RERE: variants seen among roughly 807,000 people sequenced by gnomAD.
The protein encoded by RERE is arginine-glutamic acid dipeptide repeats.
In RERE, 40 loss-of-function variants were observed where a neutral mutation model predicts 146.1. The observed-to-expected ratio is 0.27, with a 90% confidence interval of 0.21 to 0.36. The LOEUF is 0.36. RERE is among the 10% of genes least tolerant of loss of function. RERE has a pLI of 1.00. For synonymous variants in RERE, 1,003 were observed against 866.0 expected, an observed-to-expected ratio of 1.16 and a Z score of -2.78; for missense variants, 1,933 against 2,138.7, an observed-to-expected ratio of 0.90 and a Z score of 1.90.
chr1:8,724,124 T>C (rs1480285128), intron 1 of RERE, among the ~76,000 whole-genome samples: 1 of 152,238 alleles, frequency 6.6e-6, no homozygotes, highest in Non-Finnish European at 1.5e-5. Context: ...CTATTTAAAA[T>C]GATGTCATTT....
chr1:8,520,760 A>ACAAAAC (rs1557670079), intron 7 of RERE, among the ~76,000 whole-genome samples: 2 of 149,302 alleles, frequency 1.3e-5, no homozygotes, highest in Non-Finnish European at 3.0e-5. Context: ...TTTTTAAAAA[A>ACAAAAC]AAAAAAAAAA....
intron 8 of RERE, among the ~76,000 whole-genome samples, chr1:8,498,732 T>TATACACACAC (rs150497092): frequency 0.2 from 21,635 of 107,740 alleles, 2,820 homozygotes; most frequent in Non-Finnish European, 0.24. Flanking sequence ...AATAAATATA[T>TATACACACAC]ACACACACAC....
intron 10 of RERE, among the ~76,000 whole-genome samples, chr1:8,482,202 A>G (rs946932231): frequency 8.3e-6 from 1 of 121,010 alleles, no homozygotes; most frequent in Non-Finnish European, 1.7e-5. Flanking sequence ...ATAAAAATAA[A>G]GAACCTAATT....
intron 1 of RERE, among the ~76,000 whole-genome samples, chr1:8,808,235 A>G (rs1641727344): frequency 6.6e-6 from 1 of 151,844 alleles, no homozygotes; most frequent in South Asian, 2.1e-4. Context: ...TTCAAACTGT[A>G]CTATTACTCT....
chr1:8,501,695 C>G (rs1425015693), intron 8 of RERE, among the ~76,000 whole-genome samples: 20 of 130,680 alleles, frequency 1.5e-4, no homozygotes, highest in Non-Finnish European at 3.0e-4. Context: ...GCCAGCCGCC[C>G]AGTCCGGGAG....
intron 7 of RERE, among the ~76,000 whole-genome samples, chr1:8,514,702 T>C (rs1486278194): frequency 6.7e-6 from 1 of 149,640 alleles, no homozygotes; most frequent in Admixed American, 6.7e-5. Flanking sequence ...CACTCCAGCC[T>C]GGGCAAAAAA....
intron 7 of RERE, among the ~76,000 whole-genome samples, chr1:8,515,252 CT>C (rs1398568967): frequency 1.3e-5 from 2 of 152,032 alleles, no homozygotes; most frequent in Admixed American, 1.3e-4. Flanking sequence ...ATCCCACCTA[CT>C]CAGGAGGCTG....
At chr1:8,677,643 A>G (rs2124388155) in intron 1 of RERE, among the ~76,000 whole-genome samples, 1 of 152,150 alleles carries the variant, frequency 6.6e-6, no homozygotes, top group East Asian at 1.9e-4. Flanking sequence ...GTAGGGCTCC[A>G]CTGACAGAAC....
intron 1 of RERE, among the ~76,000 whole-genome samples, chr1:8,729,917 T>C (rs1640047975): frequency 6.6e-6 from 1 of 152,246 alleles, no homozygotes; most frequent in Non-Finnish European, 1.5e-5. Context: ...TTCTTTCAGG[T>C]ATTTAAAAAA....
chr1:8,455,455 G>A (rs913358849), intron 11 of RERE, among the ~76,000 whole-genome samples: 3 of 151,972 alleles, frequency 2.0e-5, no homozygotes, highest in Non-Finnish European at 2.9e-5. Context: ...TCAACCACAC[G>A]TATCATCAGT....
intron 7 of RERE, among the ~76,000 whole-genome samples, chr1:8,528,812 A>G (rs1645601409): frequency 6.6e-6 from 1 of 152,210 alleles, no homozygotes; most frequent in South Asian, 2.1e-4. Flanking sequence ...TCAGACAGCA[A>G]AGATGGTAAA....
At chr1:8,440,866 C>T (rs1489626025) in intron 11 of RERE, among the ~76,000 whole-genome samples, 1 of 151,410 alleles carries the variant, frequency 6.6e-6, no homozygotes, top group African/African-American at 2.4e-5. Flanking sequence ...CACTGCACTC[C>T]AGCCTCGGTG....
rs72866006 is a variant in RERE, at chr1:8,382,451, C to T, written c.1285-16477G>A. Among the ~76,000 whole-genome samples, 288 of 152,346 alleles carry T rather than the reference C, an allele frequency of 1.9e-3. 3 individuals carry two copies. The highest frequency in any genetic ancestry group is 6.4e-3 in the African/African-American group (267 of 41,584). On this transcript the variant is annotated intron_variant, in intron 12 of 22. Transcript: ENST00000400908. Reference sequence around the variant, plus strand: ...TGGCTCAGCCACGTGCGCATGCGTGCGTGTGCATGAGAGAGCGCGCATGCT... The same window carrying T: ...TGGCTCAGCCACGTGCGCATGCGTGTGTGTGCATGAGAGAGCGCGCATGCT...
chr1:8,592,195 A>G (rs1017177748), intron 4 of RERE, among the ~76,000 whole-genome samples: 1 of 152,114 alleles, frequency 6.6e-6, no homozygotes, highest in African/African-American at 2.4e-5. Flanking sequence ...CCTCCCTACT[A>G]CACTTCCACC....
chr1:8,401,908 C>A (rs1192453894), intron 12 of RERE, among the ~76,000 whole-genome samples: 1 of 152,026 alleles, frequency 6.6e-6, no homozygotes, highest in African/African-American at 2.4e-5. Flanking sequence ...GCTCTGTCGC[C>A]AGGCTGGAGT....
chr1:8,465,776 A>G lies in RERE; in HGVS notation c.1203+149T>C, dbSNP rs769562294. 4 of 704,130 alleles carry G rather than the reference A, an allele frequency of 5.7e-6. No individual in the cohort carries two copies. In the African/African-American group the frequency reaches 7.0e-5, roughly 12 times the overall value. The allele number at this position is 704,130 out of a possible 1,614,324, so 43.6% of individuals were successfully genotyped here. On this transcript the variant is annotated intron_variant, in intron 11 of 22. Transcript: ENST00000400908. ...TCTTTCTGTACAATTAAGGGGCTGA[A>G]GGGCCCCATCCTCCTGCCTGGCGCT...
At chr1:8,767,866 T>C (rs1193614637) in intron 1 of RERE, among the ~76,000 whole-genome samples, 1 of 152,050 alleles carries the variant, frequency 6.6e-6, no homozygotes, top group Non-Finnish European at 1.5e-5. Context: ...CTTGGGAGGC[T>C]GAGGCAGGAG....
intron 12 of RERE, among the ~76,000 whole-genome samples, chr1:8,413,131 A>G (rs1367335612): frequency 2.0e-5 from 3 of 152,192 alleles, no homozygotes; most frequent in Non-Finnish European, 2.9e-5. Context: ...ACACACACAC[A>G]TACTTCATTT....
rs1646830290 is a variant in RERE at position 8,614,652 on chromosome 1, G to C, written c.431C>G (p.Thr144Ser). Residue 144 changes from threonine to serine, a missense_variant, in exon 4 of 23, where the codon ACT (threonine) becomes AGT (serine). Physicochemically the swap from Thr to Ser is moderately conservative, Grantham distance 58. Transcript: ENST00000400908. ...HNSQACCRSP[T>S]PALCDPPACS... The stretch of plus-strand genomic sequence containing the variant: ...TGCTGGGGGGTCACACAAAGCAGGA[G>C]TTGGAGATCTGCAACAGGCCTGGGA... 6.2e-7 allele frequency: 1 copy of C among 1,612,496 alleles called. No individual in the cohort carries two copies. The highest frequency in any genetic ancestry group is 8.5e-7 in the Non-Finnish European group (1 of 1,179,288).
Sources: gnomAD v4.1 joint callset for allele counts (sites outside exome capture counted in the v4.1 genomes callset) on GRCh38, gnomAD v4.1.1 for gene constraint, MANE v1.5 for transcripts, NCBI Gene and HGNC (gene_info 2026-07-23, HGNC 2026-07-21) for gene names.